The following MAGI1 variants were observed in gnomAD, a reference collection of about 807,000 sequenced individuals.
MAGI1 encodes the protein membrane associated guanylate kinase, WW and PDZ domain containing 1.
MAGI1 carries 58 observed loss-of-function variants against 139.9 expected under a neutral mutation model. The ratio of observed to expected loss-of-function variants is 0.41; its 90% CI spans 0.34 to 0.52. The LOEUF (loss-of-function observed/expected upper bound fraction) is 0.52. Among genes scored for constraint, MAGI1 ranks in the 20% least tolerant of loss-of-function variants. The pLI, the probability that MAGI1 is intolerant of heterozygous loss-of-function variation, is 0.12. For synonymous variants in MAGI1, 812 were observed against 737.9 expected (o/e 1.10, Z -1.63); for missense variants, 1,874 against 1,901.6 (o/e 0.99, Z 0.27).
At chr3:65,548,080 T>C (rs1001031514) in intron 2 of MAGI1, among the ~76,000 whole-genome samples, 2 of 152,124 alleles carry the variant, frequency 1.3e-5, no homozygotes, top group African/African-American at 4.8e-5. Flanking sequence ...TAACCAGCAA[T>C]AACCAGCTCT....
At chr3:65,561,497 G>T (rs1262469449) in intron 2 of MAGI1, among the ~76,000 whole-genome samples, 2 of 152,112 alleles carry the variant, frequency 1.3e-5, no homozygotes, top group African/African-American at 4.8e-5. Flanking sequence ...AAAGGATCCT[G>T]AAGTGTTCAG....
In MAGI1 at chr3:65,688,159, T is replaced by C. The variant is rs535557915; in HGVS notation, c.314-66071A>G. On this transcript the variant is annotated intron_variant, in intron 1 of 22. Coordinates refer to ENST00000402939, the MANE Select transcript of MAGI1 (RefSeq NM_001033057.2). ...CTGTTCCTGCCAGGGTCCATGGGTA[T>C]CACTGACCCCCGTGAGAGCGGCAAC... 7 of 763,462 alleles carry C rather than the reference T, an allele frequency of 9.2e-6. No homozygotes were observed. The African/African-American group carries it at 1.2e-4, about 13-fold the overall frequency. The allele number at this position is 763,462 out of a possible 1,614,324, so 47.3% of individuals were successfully genotyped here. A position where few individuals can be genotyped will look rare whatever the true frequency, so the allele number is the denominator to read the frequency against.
chr3:65,777,977 A>G (rs963954462), intron 1 of MAGI1, among the ~76,000 whole-genome samples: 11 of 152,212 alleles, frequency 7.2e-5, no homozygotes, highest in Non-Finnish European at 1.3e-4. Flanking sequence ...GGTATGCATA[A>G]TAATTCATAT....
intron 3 of MAGI1, among the ~76,000 whole-genome samples, chr3:65,492,248 C>T (rs1952092275): frequency 6.6e-6 from 1 of 152,160 alleles, no homozygotes; most frequent in Non-Finnish European, 1.5e-5. Flanking sequence ...TAATAACACT[C>T]CAAAAAGTAA....
chr3:65,810,000 T>TCA (rs765002511), intron 1 of MAGI1, among the ~76,000 whole-genome samples: 78 of 151,160 alleles, frequency 5.2e-4, no homozygotes, highest in African/African-American at 1.6e-3. Flanking sequence ...TCCCTCTCTC[T>TCA]CACACACACA....
At chr3:65,440,391 T>C (rs933210928) in intron 8 of MAGI1, among the ~76,000 whole-genome samples, 1 of 152,172 alleles carries the variant, frequency 6.6e-6, no homozygotes, top group Non-Finnish European at 1.5e-5. Flanking sequence ...TTGCCTGCTT[T>C]CAAATCCCAG....
chr3:65,657,022 T>C (rs1409696351), intron 1 of MAGI1, among the ~76,000 whole-genome samples: 1 of 143,808 alleles, frequency 7.0e-6, no homozygotes, highest in Non-Finnish European at 1.5e-5. Flanking sequence ...GCAAAAAAGA[T>C]GATAATGAAG....
intron 1 of MAGI1, among the ~76,000 whole-genome samples, chr3:65,971,200 T>C (rs2065000128): frequency 6.6e-6 from 1 of 152,224 alleles, no homozygotes; most frequent in African/African-American, 2.4e-5. Context: ...AGACTCCGTC[T>C]CAAAAATACA....
chr3:65,478,839 T>C (rs1003638558), intron 3 of MAGI1, 41 bp from the exon 4 acceptor site: 2 of 1,481,298 alleles, frequency 1.4e-6, no homozygotes, highest in South Asian at 2.3e-5. Context: ...TCAAAAGGAA[T>C]ACTTTGTGTT....
intron 1 of MAGI1, among the ~76,000 whole-genome samples, chr3:65,984,462 T>C (rs1357504625): frequency 1.3e-5 from 2 of 151,918 alleles, no homozygotes; most frequent in East Asian, 3.9e-4. Flanking sequence ...TGTTCATATT[T>C]CCCCTCTCCT....
At chr3:65,814,851 T>C (rs376019867) in intron 1 of MAGI1, among the ~76,000 whole-genome samples, 2 of 152,356 alleles carry the variant, frequency 1.3e-5, no homozygotes, top group Admixed American at 6.5e-5. Context: ...GGTTCATTTA[T>C]ATAACCAGTT....
At chr3:65,708,563 TG>T (rs1415648519) in intron 1 of MAGI1, among the ~76,000 whole-genome samples, 1 of 151,964 alleles carries the variant, frequency 6.6e-6, no homozygotes, top group Non-Finnish European at 1.5e-5. Flanking sequence ...AGTTAAGGCT[TG>T]GGGGCAGTCA....
At chr3:65,538,383 A>G (rs1349018357) in intron 2 of MAGI1, among the ~76,000 whole-genome samples, 1 of 152,136 alleles carries the variant, frequency 6.6e-6, no homozygotes, top group African/African-American at 2.4e-5. Flanking sequence ...AAAGATACAC[A>G]CCATCCTTCC....
chr3:65,640,937 A>T (rs1486790279), intron 1 of MAGI1, among the ~76,000 whole-genome samples: 1 of 152,162 alleles, frequency 6.6e-6, no homozygotes, highest in Non-Finnish European at 1.5e-5. Flanking sequence ...GGGAACTGTG[A>T]CACCCTCTTT....
chr3:65,785,410 T>A (rs192012910), intron 1 of MAGI1, among the ~76,000 whole-genome samples: 5 of 152,294 alleles, frequency 3.3e-5, no homozygotes, highest in African/African-American at 1.2e-4. Flanking sequence ...TCACCAAGGT[T>A]GGTGACAGGT....
chr3:65,869,111 A>C (rs532604659), intron 1 of MAGI1, among the ~76,000 whole-genome samples: 53 of 151,464 alleles, frequency 3.5e-4, no homozygotes, highest in South Asian at 1.1e-3. Context: ...AAAAATTAGC[A>C]GGGCGTGGTG....
intron 2 of MAGI1, among the ~76,000 whole-genome samples, chr3:65,502,023 G>T (rs1041219801): frequency 1.3e-5 from 2 of 152,212 alleles, no homozygotes; most frequent in Admixed American, 6.5e-5. Context: ...TACCAGCTAT[G>T]TAGGGTGGGA....
At chr3:65,423,397 C>T (rs955430183) in intron 12 of MAGI1, among the ~76,000 whole-genome samples, 4 of 152,166 alleles carry the variant, frequency 2.6e-5, no homozygotes, top group African/African-American at 9.7e-5. Context: ...CACACACACA[C>T]ACAGAGAAGA....
chr3:65,987,388 C>A (rs888850519), intron 1 of MAGI1, among the ~76,000 whole-genome samples: 4 of 152,112 alleles, frequency 2.6e-5, no homozygotes, highest in Non-Finnish European at 5.9e-5. Flanking sequence ...AAAGACATAA[C>A]AGACATTTGT....
Sources: allele counts gnomAD v4.1 joint callset (sites outside exome capture counted in the v4.1 genomes callset), GRCh38; gene constraint gnomAD v4.1.1; transcripts MANE v1.5; gene names NCBI Gene and HGNC (gene_info 2026-07-23, HGNC 2026-07-21).